DNAH5: variants seen among roughly 807,000 people sequenced by gnomAD.
DNAH5 encodes the protein dynein axonemal heavy chain 5.
A neutral mutation model predicts 518.2 loss-of-function variants in DNAH5; 372 were observed. The observed-to-expected ratio is 0.72, with a 90% CI of 0.66 to 0.78. The LOEUF (loss-of-function observed/expected upper bound fraction) is 0.78. Ranked by LOEUF, DNAH5 falls within the 30% of genes least tolerant of loss-of-function variation. The pLI, the probability that DNAH5 is intolerant of heterozygous loss-of-function variation, is 0.00. For missense variants in DNAH5, 5,523 were observed against 5,687.0 expected (o/e 0.97, Z 0.93); for synonymous variants, 2,039 against 2,025.9 (o/e 1.01, Z -0.17).
intron 1 of DNAH5, among the ~76,000 whole-genome samples, chr5:13,957,213 CAGA>C (rs764463956): frequency 1.5e-4 from 23 of 152,198 alleles, no homozygotes; most frequent in Admixed American, 3.9e-4. Flanking sequence ...GTCTACACTA[CAGA>C]AGGAGAGACT....
intron 47 of DNAH5, among the ~76,000 whole-genome samples, chr5:13,797,156 C>G (rs374120420): frequency 6.6e-6 from 1 of 152,152 alleles, no homozygotes; most frequent in African/African-American, 2.4e-5. Context: ...GACTTCATGA[C>G]TAAAACACCA....
intron 25 of DNAH5, among the ~76,000 whole-genome samples, chr5:13,867,365 T>A (rs1184148981): frequency 6.6e-6 from 1 of 152,128 alleles, no homozygotes; most frequent in Non-Finnish European, 1.5e-5. Flanking sequence ...TAGTGAGTTC[T>A]CATGAGATCC....
chr5:13,911,413 C>T lies in DNAH5; in HGVS notation c.1617G>A (p.Glu539=). Residue 539 remains glutamate (E), a synonymous_variant, in exon 12 of 79, where the codon GAG becomes GAA. Transcript: ENST00000265104. Reference sequence around the variant, plus strand: ...GAAGGTCATTAGTCTGCTTGCAAAACTCTTCGTAATCTTGGTCAAAATCCA... The same window carrying T: ...GAAGGTCATTAGTCTGCTTGCAAAATTCTTCGTAATCTTGGTCAAAATCCA... The part of the protein sequence containing the change: ...RKMDFDQDYE[E]FCKQTNDLHN... 1 of 1,614,006 alleles carries T rather than the reference C, an allele frequency of 6.2e-7. No individual in the cohort carries two copies. The highest frequency in any genetic ancestry group is 8.5e-7 in the Non-Finnish European group (1 of 1,179,950).
intron 70 of DNAH5, 90 bp downstream of exon 70, chr5:13,727,417 G>T: frequency 7.8e-7 from 1 of 1,274,688 alleles, no homozygotes; most frequent in Non-Finnish European, 1.1e-6. Flanking sequence ...ATTCTCACTG[G>T]AATTCACATT....
intron 25 of DNAH5, 25 bp downstream of exon 25, chr5:13,867,749 C>T (rs2151913770): frequency 6.3e-7 from 1 of 1,583,554 alleles, no homozygotes; most frequent in African/African-American, 1.3e-5. Flanking sequence ...CCCGAAAACG[C>T]ACACAGAGAA....
At chr5:13,978,298 T>C (rs1246480900) in intron 1 of DNAH5, among the ~76,000 whole-genome samples, 1 of 152,178 alleles carries the variant, frequency 6.6e-6, no homozygotes, top group African/African-American at 2.4e-5. Flanking sequence ...CATTTTTAGA[T>C]GAGATTAACA....
intron 78 of DNAH5, among the ~76,000 whole-genome samples, chr5:13,697,905 T>A (rs1285455897): frequency 2.6e-5 from 4 of 152,246 alleles, no homozygotes; most frequent in African/African-American, 9.6e-5. Context: ...TGTGTATGGC[T>A]TGAATTTGTC....
intron 1 of DNAH5, among the ~76,000 whole-genome samples, chr5:13,982,652 A>G (rs1782767083): frequency 7.2e-6 from 1 of 139,554 alleles, no homozygotes; most frequent in African/African-American, 2.7e-5. Flanking sequence ...GAGTAGACAT[A>G]TGCACTATTG....
chr5:13,720,872 C>A (rs778292110), intron 71 of DNAH5, 128 bp downstream of exon 71: 18 of 1,119,408 alleles, frequency 1.6e-5, no homozygotes, highest in African/African-American at 3.3e-5. Flanking sequence ...AAAAAAAAAA[C>A]GCTGTTTAGT....
chr5:13,756,059 G>C (rs543540590), intron 61 of DNAH5, among the ~76,000 whole-genome samples: 4 of 152,304 alleles, frequency 2.6e-5, no homozygotes, highest in Admixed American at 2.0e-4. Flanking sequence ...CCCCTCCTCA[G>C]GCCCACTCTC....
At chr5:13,748,060 A>G (rs9765543) in intron 65 of DNAH5, among the ~76,000 whole-genome samples, 55,148 of 151,952 alleles carry the variant, frequency 0.36, 10,365 homozygotes, top group South Asian at 0.5. Flanking sequence ...TTTGTATAAG[A>G]TGTAAGGAAG....
At chr5:13,739,900 C>T (rs983060146) in intron 65 of DNAH5, among the ~76,000 whole-genome samples, 11 of 152,148 alleles carry the variant, frequency 7.2e-5, no homozygotes, top group Non-Finnish European at 1.5e-4. Flanking sequence ...ATGCTGATGA[C>T]TCCCAAGTTT....
At chr5:13,810,988 A>G (rs184609788) in intron 44 of DNAH5, among the ~76,000 whole-genome samples, 27 of 152,322 alleles carry the variant, frequency 1.8e-4, no homozygotes, top group African/African-American at 5.8e-4. Flanking sequence ...GCAGAAAGAC[A>G]AACTTGGTAT....
intron 52 of DNAH5, among the ~76,000 whole-genome samples, chr5:13,781,774 C>T (rs1205917384): frequency 6.6e-6 from 1 of 151,878 alleles, no homozygotes; most frequent in Non-Finnish European, 1.5e-5. Context: ...TCTTTATCAG[C>T]AGCATGAAAA....
chr5:13,690,600 C>T lies in DNAH5; in HGVS notation c.*1384G>A, dbSNP rs982724765. 1 of 152,138 alleles carries T rather than the reference C, an allele frequency of 6.6e-6. No individual in the cohort carries two copies. Among genetic ancestry groups the T allele is most frequent in the Non-Finnish European group, 1.5e-5 (1 of 68,024 alleles). The allele number at this position is 152,138 out of a possible 1,614,324, so 9.4% of individuals were successfully genotyped here. On this transcript the variant is annotated 3_prime_UTR_variant, in exon 79 of 79. Coordinates refer to ENST00000265104, the MANE Select transcript of DNAH5 (RefSeq NM_001369.3). The stretch of plus-strand genomic sequence containing the variant: ...GGGACCCACACTTGTCTCCCGGTAT[C>T]CACCTACCAAAAACTGTTTATCCAA...
chr5:13,951,194 T>G lies in DNAH5; in HGVS notation c.13-19950A>C, dbSNP rs1334139341. Reference sequence around the variant, plus strand: ...CATATACTCTGTCTCTTTTGTTTTTTTTTTGTTTTTTTCGTTTTTTTTTTT... The same window carrying G: ...CATATACTCTGTCTCTTTTGTTTTTGTTTTGTTTTTTTCGTTTTTTTTTTT... On this transcript the variant is annotated intron_variant, in intron 1 of 78. Coordinates refer to the DNAH5 transcript ENST00000681290. 2.7e-5 allele frequency among the ~76,000 whole-genome samples: 4 copies of G among 147,554 alleles called. No homozygotes were observed. The East Asian group carries it at 8.1e-4, about 30-fold the overall frequency.
At chr5:13,799,917 A>G (rs1377557252) in intron 47 of DNAH5, among the ~76,000 whole-genome samples, 1 of 152,142 alleles carries the variant, frequency 6.6e-6, no homozygotes, top group Non-Finnish European at 1.5e-5. Context: ...TTATATGTTT[A>G]CTTACATTTT....
intron 1 of DNAH5, among the ~76,000 whole-genome samples, chr5:13,962,724 C>T (rs1029894611): frequency 2.0e-5 from 3 of 152,246 alleles, no homozygotes; most frequent in Non-Finnish European, 2.9e-5. Flanking sequence ...GGGGATGGAA[C>T]GGGTTCTCCC....
chr5:13,937,583 G>A (rs1580973808), intron 1 of DNAH5, among the ~76,000 whole-genome samples: 3 of 151,662 alleles, frequency 2.0e-5, no homozygotes, highest in East Asian at 1.9e-4. Context: ...CACTGTTATC[G>A]ACATCATACT....
Sources: gnomAD v4.1 joint callset for allele counts (sites outside exome capture counted in the v4.1 genomes callset) on GRCh38, gnomAD v4.1.1 for gene constraint, MANE v1.5 for transcripts, NCBI Gene and HGNC (gene_info 2026-07-23, HGNC 2026-07-21) for gene names.